The following KLF11 variants were observed in gnomAD, a reference collection of about 807,000 sequenced individuals.
KLF11 encodes Krueppel-like factor 11.
KLF11 carries 26 observed loss-of-function variants against 29.9 expected under a neutral mutation model. The observed-to-expected ratio is 0.87, with a 90% confidence interval of 0.64 to 1.21. KLF11 has a LOEUF of 1.21. KLF11 is among the 50% of genes most tolerant of loss of function. The pLI is 0.00. For missense variants in KLF11, 778 were observed against 665.7 expected, an observed-to-expected ratio of 1.17 and a Z score of -1.86; for synonymous variants, 318 against 257.4, an observed-to-expected ratio of 1.24 and a Z score of -2.25.
At chr2:10,050,290 C>G (rs1437121291) in intron 3 of KLF11, among the ~76,000 whole-genome samples, 2 of 151,414 alleles carry the variant, frequency 1.3e-5, no homozygotes, top group Admixed American at 6.6e-5. Flanking sequence ...GCCTATAATC[C>G]TAGCTGCTCA....
chr2:10,043,987 T>G (rs906517787), intron 1 of KLF11: 3 of 844,636 alleles, frequency 3.6e-6, no homozygotes, highest in Non-Finnish European at 4.3e-6. Context: ...CCCGCGCAGC[T>G]TTGTCTTGCG....
rs965355859 is a variant in KLF11, at chr2:10,052,604, C to T, written c.*97C>T. ...CTCCCACTGCCTCACCCAAAAAAAA[C>T]GGTCTTGGCGGCCTAGGGGAAGATC... On this transcript the variant is annotated 3_prime_UTR_variant, in exon 4 of 4. Coordinates refer to ENST00000305883, the MANE Select transcript of KLF11 (RefSeq NM_003597.5). 8.3e-6 allele frequency: 11 copies of T among 1,318,328 alleles called. No individual in the cohort carries two copies. The highest frequency in any genetic ancestry group is 2.5e-4 in the Middle Eastern group (1 of 3,936). 81.7% of individuals were successfully genotyped at this position (1,318,328 alleles called of 1,614,324 possible).
At chr2:10,044,900 C>T (rs1340664581) in intron 1 of KLF11, among the ~76,000 whole-genome samples, 1 of 152,176 alleles carries the variant, frequency 6.6e-6, no homozygotes, top group Non-Finnish European at 1.5e-5. Context: ...AATCCCAGCA[C>T]TCTGGGAGAC....
Position 10,052,561 on chromosome 2 carries a change from T to C in KLF11, c.*54T>C, listed in dbSNP as rs1445967202. On this transcript the variant is annotated 3_prime_UTR_variant, in exon 4 of 4. Transcript: ENST00000305883. ...TTTTTAAAAAGCCTCTTTCCAGGAA[T>C]GGAACTGATGGATTCCTCTCCCACT... is the stretch of plus-strand genomic sequence containing the variant. 3.8e-6 allele frequency: 6 copies of C among 1,572,900 alleles called. No homozygotes were observed. The highest frequency in any genetic ancestry group is 1.1e-5 in the South Asian group (1 of 87,964).
rs747752553 is a variant in KLF11, at chr2:10,046,274, C to T, written c.167C>T (p.Ser56Phe). ...EAVEALVCMS[S>F]WGQRSQKGDL... ...GTCGAGGCTCTTGTTTGTATGAGCT[C>T]CTGGGGTCAAAGATCCCAGAAAGGT... is the stretch of plus-strand genomic sequence containing the variant. Residue 56 changes from serine (S) to phenylalanine (F), a missense_variant, in exon 2 of 4, where the codon TCC (serine) becomes TTC (phenylalanine). Transcript: ENST00000305883. 17 of 1,614,030 alleles carry T rather than the reference C, an allele frequency of 1.1e-5. No individual in the cohort carries two copies. The South Asian group carries it at 1.8e-4, about 17-fold the overall frequency.
intron 2 of KLF11, among the ~76,000 whole-genome samples, chr2:10,047,144 CCTT>C (rs1165927235): frequency 1.3e-5 from 2 of 152,100 alleles, no homozygotes; most frequent in African/African-American, 4.8e-5. Flanking sequence ...GCAGCCGACT[CCTT>C]AATGTGAGTT....
At chr2:10,046,583 A>G (rs1318086797) in intron 2 of KLF11, among the ~76,000 whole-genome samples, 164 bp downstream of exon 2, 1 of 152,190 alleles carries the variant, frequency 6.6e-6, no homozygotes, top group African/African-American at 2.4e-5. Flanking sequence ...TTGGCCAGGC[A>G]TGGTGGCTCA....
chr2:10,050,407 CAA>C (rs34801840), intron 3 of KLF11, among the ~76,000 whole-genome samples: 4,248 of 115,846 alleles, frequency 0.037, 203 homozygotes, highest in African/African-American at 0.12. Flanking sequence ...ACTCTTATCT[CAA>C]AAAAAAAAAA....
chr2:10,048,770 A>ACAGCCAT (rs1661314301), intron 3 of KLF11, among the ~76,000 whole-genome samples, 175 bp downstream of exon 3: 1 of 152,180 alleles, frequency 6.6e-6, no homozygotes, highest in South Asian at 2.1e-4. Flanking sequence ...GATTGTTTGC[A>ACAGCCAT]CAGCCATCAG....
intron 2 of KLF11, among the ~76,000 whole-genome samples, chr2:10,047,446 G>A (rs1456489388): frequency 6.6e-6 from 1 of 152,216 alleles, no homozygotes; most frequent in Non-Finnish European, 1.5e-5. Flanking sequence ...CTGGGCTCTT[G>A]TGTAGGTTTG....
chr2:10,045,614 A>G (rs944229959), intron 1 of KLF11, among the ~76,000 whole-genome samples: 2 of 152,228 alleles, frequency 1.3e-5, no homozygotes, highest in African/African-American at 4.8e-5. Flanking sequence ...TGTGGAGGGA[A>G]CTGGTGGAAT....
At chr2:10,051,580 C>G (rs1480663694) in intron 3 of KLF11, among the ~76,000 whole-genome samples, 1 of 151,574 alleles carries the variant, frequency 6.6e-6, no homozygotes, top group African/African-American at 2.4e-5. Context: ...TGCAGTGGTG[C>G]AATCTCGGCT....
intron 1 of KLF11, among the ~76,000 whole-genome samples, chr2:10,044,911 C>A (rs1163699936): frequency 6.6e-6 from 1 of 152,102 alleles, no homozygotes; most frequent in Non-Finnish European, 1.5e-5. Context: ...TCTGGGAGAC[C>A]GAGGTGGGCG....
rs1175784729 is a variant in KLF11 at position 10,043,763 on chromosome 2, G to C, written c.42+5G>C. The C allele has an allele frequency of 5.1e-6, 7 of 1,376,516 alleles. No individual in the cohort carries two copies. Among genetic ancestry groups the C allele is most frequent in the Non-Finnish European group, 5.7e-6 (6 of 1,048,456 alleles). 85.3% of individuals were successfully genotyped at this position (1,376,516 alleles called of 1,614,324 possible). A position where few individuals can be genotyped will look rare whatever the true frequency, so the allele number is the denominator to read the frequency against. ...GGCCCAGACGACGCGCGCGCAGTGAGTGGTGGGGCTGCCGCGGCGGGACTA... is the reference window on the plus strand; with the variant it reads ...GGCCCAGACGACGCGCGCGCAGTGACTGGTGGGGCTGCCGCGGCGGGACTA... On this transcript the variant is annotated splice_donor_5th_base_variant and intron_variant, in intron 1 of 3. Transcript: ENST00000305883.
At position 10,052,473 on chromosome 2, in the gene KLF11, G is replaced by A. The variant is rs776579041; in HGVS notation, c.1505G>A (p.Gly502Glu). The change falls in exon 4 of 4, where the codon GGG becomes GAG. Residue 502 changes from glycine (G) to glutamate (E), a missense_variant. Physicochemically the swap from Gly to Glu is moderately conservative, Grantham distance 98. Coordinates refer to ENST00000305883, the MANE Select transcript of KLF11 (RefSeq NM_003597.5). ...AGAATCGCCTCTGCAGAGAGCCCGG[G>A]GAGCCCACTGGTGAGCATGCCAGCC... Reference protein sequence around the residue: ...LNRIASAESPGSPLVSMPASA With the variant: ...LNRIASAESPESPLVSMPASA The A allele has an allele frequency of 1.4e-5, 23 of 1,613,966 alleles. No homozygotes were observed. The highest frequency in any genetic ancestry group is 1.9e-5 in the Non-Finnish European group (22 of 1,180,024).
chr2:10,047,545 C>A, intron 2 of KLF11, 105 bp from the exon 3 acceptor site: 3 of 996,188 alleles, frequency 3.0e-6, no homozygotes, highest in Non-Finnish European at 4.6e-6. Flanking sequence ...ACAGGGTTAA[C>A]TGAGTGTCTA....
rs886054734 is a variant in KLF11 at position 10,054,119 on chromosome 2, C to A, written c.*1612C>A. ...ACTTGACACAAATGTGTGTGTTATT[C>A]AGAGGTTTTCAGTCTGGACACTCCA... On this transcript the variant is annotated 3_prime_UTR_variant, in exon 4 of 4. Coordinates refer to ENST00000305883, the MANE Select transcript of KLF11 (RefSeq NM_003597.5). 6.6e-6 allele frequency: 1 copy of A among 152,140 alleles called. No homozygotes were observed. The highest frequency in any genetic ancestry group is 1.5e-5 in the Non-Finnish European group (1 of 68,030). The allele number at this position is 152,140 out of a possible 1,614,324, so 9.4% of individuals were successfully genotyped here.
In KLF11 at chr2:10,046,429, G is replaced by T. The variant is rs760407198; in HGVS notation, c.312+10G>T. 1.2e-6 allele frequency: 2 copies of T among 1,613,400 alleles called. No homozygotes were observed. The highest frequency in any genetic ancestry group is 2.2e-5 in the South Asian group (2 of 91,082). ...TTCTTTATCGACTCTGGTAAGAGGA[G>T]GTGGGAGGGAGGAGCGTTTTTGTGA... On this transcript the variant is annotated intron_variant, in intron 2 of 3. Transcript: ENST00000305883.
At chr2:10,043,818 A>G in intron 1 of KLF11, 60 bp downstream of exon 1, 3 of 1,303,172 alleles carry the variant, frequency 2.3e-6, no homozygotes, top group Non-Finnish European at 3.0e-6. Flanking sequence ...AGGCGGGGGA[A>G]GTGGTGCGGC....
Sources: gnomAD v4.1 joint callset for allele counts (sites outside exome capture counted in the v4.1 genomes callset) on GRCh38, gnomAD v4.1.1 for gene constraint, MANE v1.5 for transcripts, NCBI Gene and HGNC (gene_info 2026-07-23, HGNC 2026-07-21) for gene names.